The following KDM4C variants were observed in gnomAD, a reference collection of about 807,000 sequenced individuals.
KDM4C encodes lysine demethylase 4C.
KDM4C carries 81 observed loss-of-function variants against 129.3 expected under a neutral mutation model. The observed-to-expected ratio is 0.63, with a 90% confidence interval of 0.52 to 0.75. The LOEUF (loss-of-function observed/expected upper bound fraction) is 0.75, where lower values mean the gene tolerates loss of function less well. Among genes scored for constraint, KDM4C ranks in the 30% least tolerant of loss-of-function variants. KDM4C has a pLI of 0.00. For synonymous variants in KDM4C, 573 were observed against 456.1 expected (o/e 1.26, Z -3.26); for missense variants, 1,457 against 1,304.0 (o/e 1.12, Z -1.81).
At position 7,085,625 on chromosome 9, in the gene KDM4C, C is replaced by T. The variant is rs530067065; in HGVS notation, c.2425-18060C>T. Among the ~76,000 whole-genome samples the T allele has an allele frequency of 7.1e-3, 1,086 of 152,146 alleles. 9 individuals carry two copies. Among genetic ancestry groups the T allele is most frequent in the Non-Finnish European group, 0.011 (747 of 68,008 alleles). Reference sequence around the variant, plus strand: ...AAGGCTGGTGTTTAGGTTTATGGTTCCTGCCACTCCTTCCCTGCTCATAGG... The same window carrying T: ...AAGGCTGGTGTTTAGGTTTATGGTTTCTGCCACTCCTTCCCTGCTCATAGG... On this transcript the variant is annotated intron_variant, in intron 17 of 21. Transcript: ENST00000381309.
At chr9:6,723,128 C>T (rs1817011469) in intron 1 of KDM4C, among the ~76,000 whole-genome samples, 1 of 152,084 alleles carries the variant, frequency 6.6e-6, no homozygotes, top group Admixed American at 6.6e-5. Flanking sequence ...GCGCCATACA[C>T]TTTGGGAGGC....
At chr9:6,849,270 G>A (rs113499511) in intron 4 of KDM4C, among the ~76,000 whole-genome samples, 1 of 152,158 alleles carries the variant, frequency 6.6e-6, no homozygotes, top group East Asian at 1.9e-4. Context: ...AAGCTATTTG[G>A]TATAAATTTC....
chr9:6,770,680 C>G (rs1407741894), intron 1 of KDM4C, among the ~76,000 whole-genome samples: 2 of 138,158 alleles, frequency 1.4e-5, no homozygotes, highest in African/African-American at 5.4e-5. Context: ...CAAGGATGGT[C>G]AGATTATTGT....
upstream of KDM4C, among the ~76,000 whole-genome samples, chr9:6,754,032 G>C (rs1255926740): frequency 2.6e-5 from 4 of 151,544 alleles, no homozygotes; most frequent in Non-Finnish European, 4.4e-5. Context: ...CTGCCACTGT[G>C]CCTGGCTAAT....
intron 15 of KDM4C, among the ~76,000 whole-genome samples, chr9:7,034,491 G>T (rs1587097930): frequency 6.6e-6 from 1 of 152,140 alleles, no homozygotes; most frequent in East Asian, 1.9e-4. Context: ...TTCGCTTAAT[G>T]TCCTCCAGTT....
intron 8 of KDM4C, among the ~76,000 whole-genome samples, chr9:6,959,417 G>A (rs1829655809): frequency 1.3e-5 from 2 of 152,176 alleles, no homozygotes; most frequent in African/African-American, 2.4e-5. Context: ...ATGCCTTGAA[G>A]AATGATTTCT....
chr9:6,866,223 A>G (rs917160839), intron 5 of KDM4C, among the ~76,000 whole-genome samples: 2 of 151,514 alleles, frequency 1.3e-5, no homozygotes, highest in African/African-American at 2.4e-5. Flanking sequence ...GTCTACTTAG[A>G]GATTCTTATA....
rs187843413 is a variant in KDM4C at position 7,111,233 on chromosome 9, G to T, written c.2610+7363G>T. Among the ~76,000 whole-genome samples the T allele has an allele frequency of 2.0e-5, 3 of 151,426 alleles. No homozygotes were observed. In the East Asian group the frequency reaches 5.8e-4, roughly 29 times the overall value. Reference sequence around the variant, plus strand: ...ATCTTCAGTGTCCCATTCATGGTAGGTATAGGTTGAGCATCCAAATCCAAA... The same window carrying T: ...ATCTTCAGTGTCCCATTCATGGTAGTTATAGGTTGAGCATCCAAATCCAAA... On this transcript the variant is annotated intron_variant, in intron 18 of 21. Transcript: ENST00000381309.
At chr9:6,960,301 A>T (rs376139676) in intron 8 of KDM4C, among the ~76,000 whole-genome samples, 9 of 84,202 alleles carry the variant, frequency 1.1e-4, no homozygotes, top group African/African-American at 2.6e-4. Context: ...TTTTTTTTTT[A>T]AATACAGGGT....
At chr9:6,910,521 C>A (rs993340427) in intron 8 of KDM4C, among the ~76,000 whole-genome samples, 1 of 152,132 alleles carries the variant, frequency 6.6e-6, no homozygotes, top group Non-Finnish European at 1.5e-5. Context: ...AACTACAAAA[C>A]GTAAATATAA....
At chr9:7,101,667 T>A (rs1424087308) in intron 17 of KDM4C, among the ~76,000 whole-genome samples, 1 of 152,248 alleles carries the variant, frequency 6.6e-6, no homozygotes, top group Non-Finnish European at 1.5e-5. Context: ...GTGTATTCTG[T>A]CTTCTTACGC....
intron 19 of KDM4C, among the ~76,000 whole-genome samples, chr9:7,149,068 T>G (rs78893358): frequency 6.6e-6 from 1 of 152,212 alleles, no homozygotes; most frequent in Non-Finnish European, 1.5e-5. Flanking sequence ...CTGCCACTTA[T>G]GGCACCCAGG....
At chr9:6,876,940 G>T (rs1199438380) in intron 5 of KDM4C, among the ~76,000 whole-genome samples, 2 of 152,210 alleles carry the variant, frequency 1.3e-5, no homozygotes, top group African/African-American at 2.4e-5. Context: ...CAGGGAGGTT[G>T]TGGGGAGTCA....
intron 8 of KDM4C, among the ~76,000 whole-genome samples, chr9:6,896,501 T>C (rs528936091): frequency 1.3e-5 from 2 of 151,464 alleles, no homozygotes; most frequent in East Asian, 3.9e-4. Flanking sequence ...AAATATAATT[T>C]TGTGTAATAC....
At chr9:7,135,164 G>C (rs978086429) in intron 19 of KDM4C, among the ~76,000 whole-genome samples, 1 of 152,164 alleles carries the variant, frequency 6.6e-6, no homozygotes, top group Non-Finnish European at 1.5e-5. Context: ...CATCACTGGG[G>C]ATCCTCTGGA....
chr9:7,044,391 A>C (rs1475298020), intron 15 of KDM4C, among the ~76,000 whole-genome samples: 1 of 151,936 alleles, frequency 6.6e-6, no homozygotes, highest in African/African-American at 2.4e-5. Context: ...GGTACTGAGA[A>C]GCATTAAAAA....
At chr9:6,950,922 C>T (rs74573409) in intron 8 of KDM4C, among the ~76,000 whole-genome samples, 9,512 of 152,148 alleles carry the variant, frequency 0.063, 858 homozygotes, top group African/African-American at 0.2. Context: ...TTTCAGATAA[C>T]AGAAAATACT....
At chr9:6,949,708 GGC>G (rs766207699) in intron 8 of KDM4C, among the ~76,000 whole-genome samples, 40 of 152,172 alleles carry the variant, frequency 2.6e-4, no homozygotes, top group Non-Finnish European at 5.6e-4. Flanking sequence ...CAGGCGTGGC[GGC>G]GCGCGCCTGC....
chr9:6,968,143 AAGAT>A lies in KDM4C; in HGVS notation c.922-12779_922-12776del, dbSNP rs1831323514. The stretch of plus-strand genomic sequence containing the variant: ...TTAAAATTTTTCAAAAGTAAGAACT[AAGAT>A]AGGCCTCCTTCACCTTATGAACTTA... On this transcript the variant is annotated intron_variant, in intron 8 of 21. Coordinates refer to ENST00000381309, the MANE Select transcript of KDM4C (RefSeq NM_015061.6). 2.6e-5 allele frequency among the ~76,000 whole-genome samples: 4 copies of A among 152,298 alleles called. No individual in the cohort carries two copies. In the South Asian group the frequency reaches 8.3e-4, roughly 32 times the overall value.
Sources: gnomAD v4.1 joint callset for allele counts (sites outside exome capture counted in the v4.1 genomes callset) on GRCh38, gnomAD v4.1.1 for gene constraint, MANE v1.5 for transcripts, NCBI Gene and HGNC (gene_info 2026-07-23, HGNC 2026-07-21) for gene names.